Variants in SORBS2 observed in about 807,000 individuals in gnomAD.
SORBS2 encodes sorbin and SH3 domain-containing protein 2.
In SORBS2, 46 loss-of-function variants were observed where a neutral mutation model predicts 97.7. That is an observed-to-expected ratio of 0.47 (90% confidence interval 0.37 to 0.60). SORBS2 has a LOEUF of 0.60. Ranked by LOEUF, SORBS2 falls within the 20% of genes least tolerant of loss-of-function variation. SORBS2 has a pLI of 0.00. For synonymous variants in SORBS2, 476 were observed against 473.4 expected (o/e 1.01, Z -0.07); for missense variants, 1,316 against 1,282.3 (o/e 1.03, Z -0.40).
intron 4 of SORBS2, among the ~76,000 whole-genome samples, chr4:185,641,798 AAACT>A (rs1482829589): frequency 6.6e-6 from 1 of 151,822 alleles, no homozygotes; most frequent in African/African-American, 2.4e-5. Flanking sequence ...CCTCCGTTTA[AAACT>A]AACTTTGTTA....
chr4:185,745,208 C>T (rs116130600), intron 2 of SORBS2, among the ~76,000 whole-genome samples: 2,138 of 152,118 alleles, frequency 0.014, 38 homozygotes, highest in African/African-American at 0.048. Context: ...CAAAGATGCC[C>T]GAGCAGGTGC....
chr4:185,926,765 A>T (rs1225456659), intron 1 of SORBS2, among the ~76,000 whole-genome samples: 1 of 152,070 alleles, frequency 6.6e-6, no homozygotes, highest in Non-Finnish European at 1.5e-5. Flanking sequence ...AAGCTTTTTG[A>T]TGTGGCACAA....
intron 2 of SORBS2, among the ~76,000 whole-genome samples, chr4:185,651,506 TC>T (rs2097313573): frequency 1.3e-5 from 2 of 152,226 alleles, no homozygotes; most frequent in South Asian, 4.1e-4. Flanking sequence ...TTACAGTGTG[TC>T]CTTTCAGCCT....
chr4:185,616,168 T>A (rs757812904), intron 9 of SORBS2, among the ~76,000 whole-genome samples: 1 of 152,366 alleles, frequency 6.6e-6, no homozygotes, highest in South Asian at 2.1e-4. Flanking sequence ...TAATCTTTTT[T>A]TAAAAAATTT....
At chr4:185,837,690 G>A (rs1379844647) in intron 1 of SORBS2, among the ~76,000 whole-genome samples, 2 of 152,090 alleles carry the variant, frequency 1.3e-5, no homozygotes, top group African/African-American at 4.8e-5. Context: ...ACTGTGACAG[G>A]CTGAGATATT....
At chr4:185,841,489 C>A (rs866807624) in intron 1 of SORBS2, among the ~76,000 whole-genome samples, 1 of 152,124 alleles carries the variant, frequency 6.6e-6, no homozygotes, top group South Asian at 2.1e-4. Flanking sequence ...GGTGCCAGAG[C>A]CCCAGATTAT....
At chr4:185,808,425 A>G (rs1561163234) in intron 1 of SORBS2, among the ~76,000 whole-genome samples, 1 of 152,192 alleles carries the variant, frequency 6.6e-6, no homozygotes, top group African/African-American at 2.4e-5. Context: ...TAATAAAACT[A>G]TGGGTACATT....
chr4:185,900,416 T>C (rs183353367), intron 1 of SORBS2, among the ~76,000 whole-genome samples: 6 of 152,252 alleles, frequency 3.9e-5, no homozygotes, highest in Admixed American at 2.0e-4. Flanking sequence ...AACTTGGATT[T>C]ATATGAAGAT....
chr4:185,690,081 C>A (rs1236825060), intron 2 of SORBS2, among the ~76,000 whole-genome samples: 1 of 152,214 alleles, frequency 6.6e-6, no homozygotes, highest in African/African-American at 2.4e-5. Flanking sequence ...CACATCTACA[C>A]ATATAATGCT....
At chr4:185,867,154 GGCAT>G (rs2099227333) in intron 1 of SORBS2, among the ~76,000 whole-genome samples, 1 of 152,116 alleles carries the variant, frequency 6.6e-6, no homozygotes, top group African/African-American at 2.4e-5. Flanking sequence ...TGGGATTATA[GGCAT>G]GCACCACCAC....
chr4:185,796,956 G>A (rs945678171), intron 1 of SORBS2, among the ~76,000 whole-genome samples: 1 of 151,290 alleles, frequency 6.6e-6, no homozygotes. Flanking sequence ...GGCATGCCTG[G>A]GCTCTGTGGC....
chr4:185,779,461 T>C (rs2099016760), intron 1 of SORBS2, among the ~76,000 whole-genome samples: 1 of 152,246 alleles, frequency 6.6e-6, no homozygotes, highest in Admixed American at 6.5e-5. Flanking sequence ...TGGCTAAATT[T>C]AGTAATTTTT....
chr4:185,631,129 T>G (rs2096899736), intron 4 of SORBS2, among the ~76,000 whole-genome samples: 1 of 152,156 alleles, frequency 6.6e-6, no homozygotes, highest in East Asian at 1.9e-4. Flanking sequence ...AACATAGACA[T>G]GACGTTTAAA....
chr4:185,824,131 C>G (rs1026123882), intron 1 of SORBS2, among the ~76,000 whole-genome samples: 3 of 152,158 alleles, frequency 2.0e-5, no homozygotes, highest in Admixed American at 6.5e-5. Flanking sequence ...ACATTTTTCT[C>G]ACAGTACTGG....
chr4:185,885,325 C>T (rs998272729), intron 1 of SORBS2, among the ~76,000 whole-genome samples: 4 of 152,186 alleles, frequency 2.6e-5, no homozygotes, highest in African/African-American at 9.7e-5. Context: ...CATAGCACCC[C>T]CGGGCACCTG....
intron 2 of SORBS2, among the ~76,000 whole-genome samples, chr4:185,696,581 G>A (rs962674078): frequency 3.9e-5 from 6 of 152,128 alleles, no homozygotes; most frequent in Non-Finnish European, 8.8e-5. Context: ...AGCCTCCCGA[G>A]TAGCTGGGAT....
Position 185,897,455 on chromosome 4 carries a change from C to T in SORBS2, c.-338+58741G>A, listed in dbSNP as rs185287786. On this transcript the variant is annotated intron_variant, in intron 1 of 20. Transcript: ENST00000284776. Reference sequence around the variant, plus strand: ...ACACAGCTGCCCATACTTTGTTAAACCTAAGCATAAAAATGGACAGTTTCC... The same window carrying T: ...ACACAGCTGCCCATACTTTGTTAAATCTAAGCATAAAAATGGACAGTTTCC... Among the ~76,000 whole-genome samples, 132 of 152,296 alleles carry T rather than the reference C, an allele frequency of 8.7e-4. 1 individual carries two copies. In the Middle Eastern group the frequency reaches 0.031, roughly 35 times the overall value.
At chr4:185,921,322 G>C (rs1052325589) in intron 1 of SORBS2, among the ~76,000 whole-genome samples, 5 of 152,172 alleles carry the variant, frequency 3.3e-5, no homozygotes, top group Admixed American at 1.3e-4. Context: ...ATCACTGTAG[G>C]CTGTTTTTTA....
chr4:185,898,886 T>C (rs1276877705), intron 1 of SORBS2, among the ~76,000 whole-genome samples: 1 of 152,192 alleles, frequency 6.6e-6, no homozygotes, highest in Non-Finnish European at 1.5e-5. Context: ...CCACACGATA[T>C]TGTGGATGAC....
Sources: gnomAD v4.1 joint callset for allele counts (sites outside exome capture counted in the v4.1 genomes callset) on GRCh38, gnomAD v4.1.1 for gene constraint, MANE v1.5 for transcripts, NCBI Gene and HGNC (gene_info 2026-07-23, HGNC 2026-07-21) for gene names.